The following COL19A1 variants were observed in gnomAD, a reference collection of about 807,000 sequenced individuals.
COL19A1 encodes the protein collagen type XIX alpha 1 chain.
Under a neutral mutation model 190.2 loss-of-function variants are expected in COL19A1, and 159 were observed. The ratio of observed to expected loss-of-function variants is 0.84; its 90% CI spans 0.73 to 0.95. The LOEUF (loss-of-function observed/expected upper bound fraction) is 0.95, where lower values mean the gene tolerates loss of function less well. COL19A1 is among the 40% of genes least tolerant of loss of function. COL19A1 has a pLI of 0.00. For synonymous variants in COL19A1, 509 were observed against 458.9 expected, an observed-to-expected ratio of 1.11 and a Z score of -1.39; for missense variants, 1,418 against 1,431.9, an observed-to-expected ratio of 0.99 and a Z score of 0.16.
intron 11 of COL19A1, among the ~76,000 whole-genome samples, chr6:69,980,730 A>AAG (rs1377922279): frequency 6.6e-6 from 1 of 152,220 alleles, no homozygotes. Flanking sequence ...CAGCTCGCTA[A>AAG]AGAGAAAAAT....
At chr6:69,989,842 G>A (rs547185837) in intron 11 of COL19A1, among the ~76,000 whole-genome samples, 1 of 152,184 alleles carries the variant, frequency 6.6e-6, no homozygotes, top group East Asian at 1.9e-4. Flanking sequence ...CTAAAGCAGA[G>A]TAGTAGTACC....
At chr6:70,168,128 T>C (rs779424894) in intron 38 of COL19A1, 43 bp from the exon 39 acceptor site, 7 of 1,607,804 alleles carry the variant, frequency 4.4e-6, no homozygotes, top group Non-Finnish European at 6.0e-6. Context: ...TGTAAATTCG[T>C]CTCATCTTTC....
intron 15 of COL19A1, among the ~76,000 whole-genome samples, chr6:70,071,229 A>G (rs1038356089): frequency 4.0e-5 from 6 of 150,706 alleles, no homozygotes; most frequent in Admixed American, 3.3e-4. Context: ...TATTATTATT[A>G]TGAAAGACAT....
intron 11 of COL19A1, among the ~76,000 whole-genome samples, chr6:69,987,456 G>A (rs1289829984): frequency 6.6e-6 from 1 of 152,132 alleles, no homozygotes; most frequent in East Asian, 1.9e-4. Flanking sequence ...CTACTGAGAA[G>A]GATCAACTCT....
Position 69,938,107 on chromosome 6 carries a change from A to G in COL19A1, c.936+7A>G. The G allele has an allele frequency of 6.2e-7, 1 of 1,611,788 alleles. No individual in the cohort carries two copies. The highest frequency in any genetic ancestry group is 1.1e-5 in the South Asian group (1 of 90,820). ...AGGGCATAAAGGAGAGCCGGTAAGA[A>G]AAAAACAAATACTGATGGAGAAAAC... On this transcript the variant is annotated splice_region_variant and intron_variant, in intron 9 of 50. Coordinates refer to ENST00000620364, the MANE Select transcript of COL19A1 (RefSeq NM_001858.6).
intron 14 of COL19A1, among the ~76,000 whole-genome samples, chr6:70,064,829 C>G (rs1781077678): frequency 6.6e-6 from 1 of 152,056 alleles, no homozygotes; most frequent in Non-Finnish European, 1.5e-5. Flanking sequence ...AAACAGAGAG[C>G]CAAATCATGA....
intron 25 of COL19A1, 118 bp downstream of exon 25, chr6:70,145,125 A>C: frequency 1.3e-6 from 1 of 763,594 alleles, no homozygotes; most frequent in South Asian, 1.7e-5. Context: ...AAAAGGAAAA[A>C]AGAACTTAAA....
At chr6:69,924,744 C>A (rs1448149733) in intron 4 of COL19A1, among the ~76,000 whole-genome samples, 8 of 152,150 alleles carry the variant, frequency 5.3e-5, no homozygotes, top group Non-Finnish European at 1.0e-4. Flanking sequence ...CTCTCCAGCA[C>A]CTGTTGTTTC....
At chr6:70,023,314 T>G (rs1252012572) in intron 11 of COL19A1, among the ~76,000 whole-genome samples, 1 of 151,970 alleles carries the variant, frequency 6.6e-6, no homozygotes, top group Non-Finnish European at 1.5e-5. Flanking sequence ...TTTTTGTATT[T>G]TTAGTAGGGA....
At chr6:69,969,291 T>C (rs1775289589) in intron 11 of COL19A1, among the ~76,000 whole-genome samples, 1 of 152,228 alleles carries the variant, frequency 6.6e-6, no homozygotes, top group Non-Finnish European at 1.5e-5. Context: ...GACAGGAGGC[T>C]ATAGTAGTTA....
At chr6:70,190,904 AG>A (rs1289191357) in intron 48 of COL19A1, among the ~76,000 whole-genome samples, 2 of 152,194 alleles carry the variant, frequency 1.3e-5, no homozygotes, top group African/African-American at 4.8e-5. Flanking sequence ...GCTTTTTGGT[AG>A]GGAGCAGTGG....
chr6:69,974,169 G>T (rs1775584462), intron 11 of COL19A1: 1 of 152,250 alleles, frequency 6.6e-6, no homozygotes, highest in South Asian at 2.1e-4. Flanking sequence ...ATCAGTAAAG[G>T]ATCAATGAAA....
chr6:69,938,543 G>A (rs777361256), intron 9 of COL19A1, among the ~76,000 whole-genome samples: 1 of 151,776 alleles, frequency 6.6e-6, no homozygotes, highest in Non-Finnish European at 1.5e-5. Flanking sequence ...TGTGTATGAG[G>A]TATGTTGCTT....
intron 11 of COL19A1, among the ~76,000 whole-genome samples, chr6:69,997,593 C>T (rs1440143705): frequency 6.6e-6 from 1 of 151,920 alleles, no homozygotes; most frequent in Non-Finnish European, 1.5e-5. Flanking sequence ...TACAATAATC[C>T]AAATGAAAAA....
intron 4 of COL19A1, among the ~76,000 whole-genome samples, chr6:69,920,287 C>T (rs924453569): frequency 3.9e-5 from 6 of 152,196 alleles, no homozygotes; most frequent in South Asian, 2.1e-4. Flanking sequence ...TTTTAAGGAG[C>T]GCTATTTCTG....
chr6:70,184,850 A>T, intron 45 of COL19A1, 21 bp from the exon 46 acceptor site: 1 of 1,612,370 alleles, frequency 6.2e-7, no homozygotes, highest in Non-Finnish European at 8.5e-7. Flanking sequence ...AGTGATTTTC[A>T]TGTTGACATC....
chr6:70,151,108 G>T (rs1385279286), intron 30 of COL19A1, among the ~76,000 whole-genome samples: 1 of 152,224 alleles, frequency 6.6e-6, no homozygotes, highest in East Asian at 1.9e-4. Context: ...ACAGCATAAA[G>T]GTTGCCATGA....
chr6:69,897,004 C>T (rs2149968562), intron 2 of COL19A1, among the ~76,000 whole-genome samples: 1 of 152,268 alleles, frequency 6.6e-6, no homozygotes, highest in South Asian at 2.1e-4. Flanking sequence ...TTCAACTTAG[C>T]AATCTCTTCT....
At chr6:70,061,315 A>T (rs16868497) in intron 14 of COL19A1, among the ~76,000 whole-genome samples, 4,065 of 152,246 alleles carry the variant, frequency 0.027, 193 homozygotes, top group African/African-American at 0.089. Context: ...CTAGAATTAC[A>T]AATTGGTCTT....
Sources: allele counts gnomAD v4.1 joint callset (sites outside exome capture counted in the v4.1 genomes callset), GRCh38; gene constraint gnomAD v4.1.1; transcripts MANE v1.5; gene names NCBI Gene and HGNC (gene_info 2026-07-23, HGNC 2026-07-21).